The following VAT1L variants were observed in gnomAD, a reference collection of about 807,000 sequenced individuals.
The protein encoded by VAT1L is vesicle amine transport 1 like.
Under a neutral mutation model 44.1 loss-of-function variants are expected in VAT1L, and 34 were observed. The observed-to-expected ratio is 0.77, with a 90% confidence interval of 0.59 to 1.03. VAT1L has a LOEUF of 1.03. Ranked by LOEUF, VAT1L falls within the 50% of genes least tolerant of loss-of-function variation. VAT1L has a pLI of 0.00. For missense variants in VAT1L, 615 were observed against 538.8 expected (o/e 1.14, Z -1.40); for synonymous variants, 253 against 202.2 (o/e 1.25, Z -2.13).
intron 1 of VAT1L, among the ~76,000 whole-genome samples, chr16:77,790,392 C>G (rs948974335): frequency 3.9e-5 from 6 of 152,130 alleles, no homozygotes; most frequent in African/African-American, 1.4e-4. Flanking sequence ...AGCTAAATCC[C>G]CAAAGACCAG....
At chr16:77,948,639 G>T (rs192367425) in intron 7 of VAT1L, among the ~76,000 whole-genome samples, 67 of 152,232 alleles carry the variant, frequency 4.4e-4, no homozygotes, top group Non-Finnish European at 8.4e-4. Flanking sequence ...ATATTTGGTT[G>T]ATTTTTTCCT....
At chr16:77,968,403 G>C (rs2018245645) in intron 7 of VAT1L, among the ~76,000 whole-genome samples, 1 of 152,186 alleles carries the variant, frequency 6.6e-6, no homozygotes, top group Non-Finnish European at 1.5e-5. Flanking sequence ...GTTCACCCTG[G>C]GTACAATGCT....
intron 3 of VAT1L, among the ~76,000 whole-genome samples, chr16:77,845,753 C>T (rs2016752370): frequency 1.3e-5 from 2 of 152,150 alleles, no homozygotes; most frequent in African/African-American, 4.8e-5. Context: ...TTTTCCTCTG[C>T]CTGGCAAGTT....
chr16:77,903,893 C>A (rs1031363176), intron 7 of VAT1L, among the ~76,000 whole-genome samples: 2 of 151,800 alleles, frequency 1.3e-5, no homozygotes, highest in African/African-American at 4.8e-5. Flanking sequence ...TCCACCACCA[C>A]GCCCAGCTAA....
chr16:77,960,756 C>A (rs71396131), intron 7 of VAT1L, among the ~76,000 whole-genome samples: 1 of 152,040 alleles, frequency 6.6e-6, no homozygotes, highest in Non-Finnish European at 1.5e-5. Flanking sequence ...AGGTTGCAGC[C>A]CAGGACCCCT....
chr16:77,831,313 G>A (rs562487815), intron 3 of VAT1L, among the ~76,000 whole-genome samples: 8 of 152,214 alleles, frequency 5.3e-5, no homozygotes, highest in Admixed American at 1.3e-4. Flanking sequence ...GAAGAGAGGA[G>A]ATGAGGCAGA....
intron 7 of VAT1L, among the ~76,000 whole-genome samples, chr16:77,954,469 A>G (rs1255772489): frequency 6.6e-6 from 1 of 152,130 alleles, no homozygotes; most frequent in Non-Finnish European, 1.5e-5. Context: ...TACTAAAACT[A>G]TAAAAATTAG....
chr16:77,964,424 G>T (rs988218280), intron 7 of VAT1L, among the ~76,000 whole-genome samples: 38 of 151,982 alleles, frequency 2.5e-4, no homozygotes, highest in African/African-American at 8.4e-4. Flanking sequence ...TTGCTTCACG[G>T]TCCCCCCAGC....
chr16:77,862,724 A>ATAGC (rs1567491038), intron 3 of VAT1L, 24 bp from the exon 4 acceptor site: 1 of 1,609,884 alleles, frequency 6.2e-7, no homozygotes, highest in Non-Finnish European at 8.5e-7. Context: ...TATGTGTGAC[A>ATAGC]TAGCTATTGT....
At chr16:77,904,182 T>A (rs1047006700) in intron 7 of VAT1L, among the ~76,000 whole-genome samples, 2 of 145,460 alleles carry the variant, frequency 1.4e-5, no homozygotes, top group African/African-American at 2.6e-5. Flanking sequence ...GTTACTGATT[T>A]GCTTTTTTTT....
intron 6 of VAT1L, among the ~76,000 whole-genome samples, chr16:77,882,625 C>A: frequency 6.6e-6 from 1 of 152,334 alleles, no homozygotes; most frequent in South Asian, 2.1e-4. Flanking sequence ...AGTGACAAAG[C>A]TGAGATTCAA....
intron 3 of VAT1L, among the ~76,000 whole-genome samples, chr16:77,837,816 C>T (rs944231669): frequency 1.3e-5 from 2 of 152,106 alleles, no homozygotes; most frequent in African/African-American, 4.8e-5. Flanking sequence ...AAAAGGGGGT[C>T]TTGTAATGGA....
chr16:77,930,406 G>T (rs1004921249), intron 7 of VAT1L, among the ~76,000 whole-genome samples: 1 of 152,134 alleles, frequency 6.6e-6, no homozygotes, highest in East Asian at 1.9e-4. Context: ...TTACCTCGGG[G>T]AGAAGGGCCC....
intron 7 of VAT1L, chr16:77,892,392 T>C (rs1289008201): frequency 7.6e-6 from 3 of 396,994 alleles, no homozygotes; most frequent in Admixed American, 3.3e-5. Context: ...TTTAAAAGCA[T>C]CTCCTGGCTC....
chr16:77,812,139 T>A (rs2016276101), intron 1 of VAT1L, among the ~76,000 whole-genome samples: 1 of 151,030 alleles, frequency 6.6e-6, no homozygotes, highest in South Asian at 2.1e-4. Context: ...TGGAGTGCAG[T>A]GGAGTGATCT....
At chr16:77,857,662 A>G (rs544529473) in intron 3 of VAT1L, among the ~76,000 whole-genome samples, 29 of 150,298 alleles carry the variant, frequency 1.9e-4, no homozygotes, top group African/African-American at 6.6e-4. Context: ...TATTAAATAG[A>G]TAGTATATAT....
rs188127031 is a variant in VAT1L at position 77,927,348 on chromosome 16, A to C, written c.1077+42546A>C. Among the ~76,000 whole-genome samples the C allele has an allele frequency of 3.1e-3, 471 of 151,414 alleles. 2 individuals carry two copies. Among genetic ancestry groups the C allele is most frequent in the African/African-American group, 0.01 (426 of 41,294 alleles). On this transcript the variant is annotated intron_variant, in intron 7 of 8. Transcript: ENST00000302536. ...GCGAGACTCCATCTCAAAAAAAAAA[A>C]AAAACACTGTTGGGAGGGCTTTGCA...
chr16:77,847,005 G>A (rs2016764202), intron 3 of VAT1L, among the ~76,000 whole-genome samples: 2 of 152,116 alleles, frequency 1.3e-5, no homozygotes, highest in African/African-American at 4.8e-5. Flanking sequence ...CAGATTTCGT[G>A]ATTTACAATG....
chr16:77,863,734 T>C (rs1597072885), intron 4 of VAT1L, among the ~76,000 whole-genome samples: 1 of 152,164 alleles, frequency 6.6e-6, no homozygotes, highest in East Asian at 1.9e-4. Context: ...TGTTATCTCA[T>C]CTAATTATAG....
Sources: allele counts gnomAD v4.1 joint callset (sites outside exome capture counted in the v4.1 genomes callset), GRCh38; gene constraint gnomAD v4.1.1; transcripts MANE v1.5; gene names NCBI Gene and HGNC (gene_info 2026-07-23, HGNC 2026-07-21).